DCC: variants seen among roughly 807,000 people sequenced by gnomAD.
DCC encodes netrin receptor DCC.
DCC carries 58 observed loss-of-function variants against 172.5 expected under a neutral mutation model. That is an observed-to-expected ratio of 0.34 (90% confidence interval 0.27 to 0.42). The LOEUF (loss-of-function observed/expected upper bound fraction) is 0.42, where lower values mean the gene tolerates loss of function less well. Ranked by LOEUF, DCC falls within the 10% of genes least tolerant of loss-of-function variation. The pLI, the probability that DCC is intolerant of heterozygous loss-of-function variation, is 1.00. For missense variants in DCC, 1,740 were observed against 1,791.0 expected, an observed-to-expected ratio of 0.97 and a Z score of 0.51; for synonymous variants, 709 against 644.5, an observed-to-expected ratio of 1.10 and a Z score of -1.52.
intron 7 of DCC, among the ~76,000 whole-genome samples, chr18:53,121,915 T>G (rs1020527106): frequency 5.3e-5 from 8 of 151,938 alleles, no homozygotes; most frequent in Admixed American, 1.3e-4. Flanking sequence ...GTAAAATGAT[T>G]TATTGGAGGG....
At chr18:53,006,106 CATT>C (rs1174938897) in intron 5 of DCC, among the ~76,000 whole-genome samples, 2 of 152,206 alleles carry the variant, frequency 1.3e-5, no homozygotes, top group African/African-American at 4.8e-5. Flanking sequence ...TGTCTTCAGT[CATT>C]ATGCTTTCAT....
chr18:53,136,470 A>T (rs2043744521), intron 7 of DCC, among the ~76,000 whole-genome samples: 1 of 152,172 alleles, frequency 6.6e-6, no homozygotes, highest in Non-Finnish European at 1.5e-5. Flanking sequence ...CAATGAAAAA[A>T]TTAGCCTATC....
At chr18:52,697,310 CA>C (rs1420541731) in intron 1 of DCC, among the ~76,000 whole-genome samples, 1 of 152,136 alleles carries the variant, frequency 6.6e-6, no homozygotes, top group East Asian at 1.9e-4. Flanking sequence ...TACTGTTATC[CA>C]CAATAGTTAT....
At chr18:52,781,152 G>T (rs1189813973) in intron 2 of DCC, among the ~76,000 whole-genome samples, 1 of 152,106 alleles carries the variant, frequency 6.6e-6, no homozygotes, top group Non-Finnish European at 1.5e-5. Context: ...ATGATAATAG[G>T]TTGAGAAAGG....
At chr18:52,515,325 C>T (rs940766687) in intron 1 of DCC, among the ~76,000 whole-genome samples, 43 of 151,948 alleles carry the variant, frequency 2.8e-4, no homozygotes, top group Middle Eastern at 3.4e-3. Flanking sequence ...AGATCATAGA[C>T]GGCTGGGTGT....
intron 13 of DCC, among the ~76,000 whole-genome samples, chr18:53,312,184 G>T (rs1036562555): frequency 1.2e-5 from 1 of 83,276 alleles, no homozygotes; most frequent in East Asian, 4.7e-4. Flanking sequence ...AAAAGAAAAA[G>T]AAAATTAGCC....
intron 1 of DCC, among the ~76,000 whole-genome samples, chr18:52,459,367 T>C (rs575643396): frequency 7.7e-4 from 117 of 152,228 alleles, no homozygotes; most frequent in Middle Eastern, 3.4e-3. Context: ...CACCCTCAAG[T>C]AGGTACCGGT....
chr18:52,881,978 A>G (rs999143266), intron 2 of DCC, among the ~76,000 whole-genome samples: 17 of 152,110 alleles, frequency 1.1e-4, no homozygotes, highest in Middle Eastern at 3.4e-3. Context: ...AATTTCTTTC[A>G]TTAGTTTTTA....
At chr18:52,791,619 G>A (rs1598806215) in intron 2 of DCC, among the ~76,000 whole-genome samples, 1 of 152,130 alleles carries the variant, frequency 6.6e-6, no homozygotes. Context: ...CTCTGCTTGT[G>A]ATTTTGCTTT....
intron 25 of DCC, among the ~76,000 whole-genome samples, chr18:53,473,752 C>T (rs1422046115): frequency 6.6e-6 from 1 of 152,158 alleles, no homozygotes; most frequent in Non-Finnish European, 1.5e-5. Flanking sequence ...ACTGCTTTTC[C>T]AAAGATAAAT....
intron 11 of DCC, among the ~76,000 whole-genome samples, chr18:53,210,755 C>T (rs1392453073): frequency 3.3e-5 from 5 of 151,904 alleles, no homozygotes; most frequent in Non-Finnish European, 7.4e-5. Context: ...TTTAAAAAAG[C>T]AAAAGTTAAG....
At chr18:53,029,129 C>T (rs1363890492) in intron 5 of DCC, among the ~76,000 whole-genome samples, 1 of 151,514 alleles carries the variant, frequency 6.6e-6, no homozygotes, top group Non-Finnish European at 1.5e-5. Context: ...TTCATATGAG[C>T]CATATTTTGT....
intron 5 of DCC, among the ~76,000 whole-genome samples, chr18:53,062,514 T>G (rs1472963847): frequency 3.3e-5 from 5 of 152,150 alleles, no homozygotes; most frequent in Non-Finnish European, 5.9e-5. Flanking sequence ...ACTCTTAAGT[T>G]TCCCCACAGA....
At chr18:52,547,147 C>A (rs10153433) in intron 1 of DCC, among the ~76,000 whole-genome samples, 1 of 152,016 alleles carries the variant, frequency 6.6e-6, no homozygotes, top group Non-Finnish European at 1.5e-5. Context: ...TTTATGCTGA[C>A]GTGACTATAA....
At chr18:52,492,022 G>A (rs566466759) in intron 1 of DCC, among the ~76,000 whole-genome samples, 1 of 152,032 alleles carries the variant, frequency 6.6e-6, no homozygotes, top group African/African-American at 2.4e-5. Context: ...TAGATGTTAG[G>A]GGAAATATCA....
rs145621728 is a variant in DCC, at chr18:53,250,563, C to T, written c.1911+34966C>T. Among the ~76,000 whole-genome samples the T allele has an allele frequency of 5.9e-5, 9 of 151,900 alleles. No homozygotes were observed. In the East Asian group the frequency reaches 1.2e-3, roughly 20 times the overall value. ...GGCAATATCTGCCCCTAGTCTCCTC[C>T]CCTTTCTTCCACAGGCTTCTGGAAG... On this transcript the variant is annotated intron_variant, in intron 12 of 28. Coordinates refer to ENST00000442544, the MANE Select transcript of DCC (RefSeq NM_005215.4).
chr18:52,795,209 G>T (rs1234420683), intron 2 of DCC, among the ~76,000 whole-genome samples: 1 of 151,904 alleles, frequency 6.6e-6, no homozygotes, highest in African/African-American at 2.4e-5. Context: ...ATCTGTGTTA[G>T]TTCTTCATAC....
At chr18:53,197,419 G>GTTTTT (rs11427253) in intron 9 of DCC, among the ~76,000 whole-genome samples, 361 of 119,504 alleles carry the variant, frequency 3.0e-3, no homozygotes, top group Middle Eastern at 0.011. Flanking sequence ...TTTTATTTTA[G>GTTTTT]TTTTTTTTTT....
At chr18:52,556,733 C>A (rs1031288425) in intron 1 of DCC, among the ~76,000 whole-genome samples, 1 of 152,042 alleles carries the variant, frequency 6.6e-6, no homozygotes, top group African/African-American at 2.4e-5. Context: ...TCCTTCCCCC[C>A]ACCTCATGAA....
Sources: allele counts gnomAD v4.1 joint callset (sites outside exome capture counted in the v4.1 genomes callset), GRCh38; gene constraint gnomAD v4.1.1; transcripts MANE v1.5; gene names NCBI Gene and HGNC (gene_info 2026-07-23, HGNC 2026-07-21).